AGAP1: variants seen among roughly 807,000 people sequenced by gnomAD.
The protein encoded by AGAP1 is ArfGAP with GTPase domain, ankyrin repeat and PH domain 1.
Under a neutral mutation model 105.3 loss-of-function variants are expected in AGAP1, and 29 were observed. The ratio of observed to expected loss-of-function variants is 0.28; its 90% CI spans 0.21 to 0.38. The LOEUF is 0.38. AGAP1 is among the 10% of genes least tolerant of loss of function. The pLI is 1.00. For missense variants in AGAP1, 998 were observed against 1,165.1 expected, an observed-to-expected ratio of 0.86 and a Z score of 2.09; for synonymous variants, 509 against 485.9, an observed-to-expected ratio of 1.05 and a Z score of -0.63.
rs1949723733 is a variant in AGAP1 at position 235,691,285 on chromosome 2, A to G, written c.164-17894A>G. ...GCCCCAGGACTGTCATATCCAGGGA[A>G]AGGTCACTCTCTGGCAGTGGATGCT... On this transcript the variant is annotated intron_variant, in intron 1 of 17. Coordinates refer to ENST00000304032, the MANE Select transcript of AGAP1 (RefSeq NM_001037131.3). The surrounding 1 kb of genome is among the most constrained non-coding windows in gnomAD (Gnocchi z 4.4). Among the ~76,000 whole-genome samples, 1 of 152,190 alleles carries G rather than the reference A, an allele frequency of 6.6e-6. No individual in the cohort carries two copies. The highest frequency in any genetic ancestry group is 1.5e-5 in the Non-Finnish European group (1 of 68,032).
At position 236,104,882 on chromosome 2, in the gene AGAP1, A is replaced by G. The variant is rs1034426394; in HGVS notation, c.2115-15310A>G. Among the ~76,000 whole-genome samples the G allele has an allele frequency of 6.6e-6, 1 of 152,040 alleles. No individual in the cohort carries two copies. The highest frequency in any genetic ancestry group is 2.4e-5 in the African/African-American group (1 of 41,402). On this transcript the variant is annotated intron_variant, in intron 16 of 17. Coordinates refer to ENST00000304032, the MANE Select transcript of AGAP1 (RefSeq NM_001037131.3). The surrounding 1 kb of genome is among the most constrained non-coding windows in gnomAD (Gnocchi z 4.7). ...GCCACTGCACTGCAGCCTGGGCTAC[A>G]GAGCGAGACTCTGTCTCAAGGAAAA...
rs1010166641 is a variant in AGAP1 at position 235,556,320 on chromosome 2, A to G, written c.163+61471A>G. Among the ~76,000 whole-genome samples, 5 of 152,336 alleles carry G rather than the reference A, an allele frequency of 3.3e-5. No individual in the cohort carries two copies. Among genetic ancestry groups the G allele is most frequent in the Admixed American group, 1.3e-4 (2 of 15,310 alleles). On this transcript the variant is annotated intron_variant, in intron 1 of 17. Coordinates refer to ENST00000304032, the MANE Select transcript of AGAP1 (RefSeq NM_001037131.3). The surrounding 1 kb of genome is among the most constrained non-coding windows in gnomAD (Gnocchi z 5.3). ...TGGGTCCCCTTTGTCCTTGGCCTATACCTGCCTTCTGCATTCTGGGGCTAC... is the reference window on the plus strand; with the variant it reads ...TGGGTCCCCTTTGTCCTTGGCCTATGCCTGCCTTCTGCATTCTGGGGCTAC...
chr2:235,765,651 A>G (rs1282145110), intron 6 of AGAP1, among the ~76,000 whole-genome samples: 4 of 152,142 alleles, frequency 2.6e-5, no homozygotes, highest in African/African-American at 9.7e-5. Context: ...GTACGTGTCT[A>G]CGTCTGCAGG....
At chr2:236,057,147 C>T (rs1004911709) in intron 16 of AGAP1, among the ~76,000 whole-genome samples, 2 of 152,180 alleles carry the variant, frequency 1.3e-5, no homozygotes, top group African/African-American at 2.4e-5. Context: ...CTCTCTCTGT[C>T]GCCCAGGCTA....
chr2:235,605,504 C>T (rs1945899794), intron 1 of AGAP1, among the ~76,000 whole-genome samples: 1 of 152,222 alleles, frequency 6.6e-6, no homozygotes, highest in African/African-American at 2.4e-5. Context: ...TGGTACCCAC[C>T]ATTTGTATCC....
At chr2:235,802,974 G>GTGATGA (rs1304678826) in intron 8 of AGAP1, among the ~76,000 whole-genome samples, 633 of 27,590 alleles carry the variant, frequency 0.023, 22 homozygotes, top group African/African-American at 0.091. Context: ...GATGATGGTT[G>GTGATGA]TGGTTGTGAT....
At chr2:235,685,281 G>C (rs892270710) in intron 1 of AGAP1, among the ~76,000 whole-genome samples, 6 of 152,006 alleles carry the variant, frequency 3.9e-5, no homozygotes, top group Non-Finnish European at 7.4e-5. Context: ...CTCCCTTCCT[G>C]GGTTCATGCA....
chr2:235,975,092 T>C (rs916936860), intron 13 of AGAP1, among the ~76,000 whole-genome samples: 2 of 152,250 alleles, frequency 1.3e-5, no homozygotes, highest in African/African-American at 4.8e-5. Context: ...ATGGTTATCT[T>C]ATTTAATAAA....
chr2:235,604,869 A>G (rs369341711), intron 1 of AGAP1, among the ~76,000 whole-genome samples: 327 of 150,490 alleles, frequency 2.2e-3, no homozygotes, highest in East Asian at 3.6e-3. Context: ...GGCGTGAGCC[A>G]TCGCGCCCAG....
chr2:235,679,524 G>C lies in AGAP1; in HGVS notation c.164-29655G>C, dbSNP rs189414805. On this transcript the variant is annotated intron_variant, in intron 1 of 17. Transcript: ENST00000304032. Reference sequence around the variant, plus strand: ...CACTGTTACCTTAAAATTATAAATGGGGAGAATAGAGTTCTCTTTTTTTCC... The same window carrying C: ...CACTGTTACCTTAAAATTATAAATGCGGAGAATAGAGTTCTCTTTTTTTCC... Among the ~76,000 whole-genome samples, 348 of 152,180 alleles carry C rather than the reference G, an allele frequency of 2.3e-3. 3 individuals are homozygous for C. The highest frequency in any genetic ancestry group is 4.2e-3 in the Non-Finnish European group (284 of 68,024).
intron 9 of AGAP1, among the ~76,000 whole-genome samples, chr2:235,873,112 G>T (rs759101616): frequency 6.6e-6 from 1 of 152,210 alleles, no homozygotes; most frequent in Non-Finnish European, 1.5e-5. Flanking sequence ...GAGACTGCGG[G>T]ACCCCAGGTG....
intron 3 of AGAP1, among the ~76,000 whole-genome samples, chr2:235,731,935 A>G (rs1389232518): frequency 6.6e-6 from 1 of 152,092 alleles, no homozygotes; most frequent in African/African-American, 2.4e-5. Context: ...TTCACCCCAA[A>G]GTGCGCAGGG....
intron 12 of AGAP1, among the ~76,000 whole-genome samples, chr2:235,946,197 T>C (rs2053491304): frequency 6.6e-6 from 1 of 152,162 alleles, no homozygotes; most frequent in South Asian, 2.1e-4. Flanking sequence ...GCTGTTAATT[T>C]TGGGGGTGTA....
In AGAP1 at chr2:235,993,572, A is replaced by G. The variant is rs960494475; in HGVS notation, c.1645+24949A>G. Among the ~76,000 whole-genome samples the G allele has an allele frequency of 6.6e-6, 1 of 152,206 alleles. No individual in the cohort carries two copies. The highest frequency in any genetic ancestry group is 1.5e-5 in the Non-Finnish European group (1 of 68,032). On this transcript the variant is annotated intron_variant, in intron 13 of 17. Coordinates refer to ENST00000304032, the MANE Select transcript of AGAP1 (RefSeq NM_001037131.3). This position sits in a 1 kb window ranked among gnomAD's most constrained non-coding sequence, Gnocchi z 5.0. Reference sequence around the variant, plus strand: ...TGTGTGATAGAAACCAATGCTTCCCAAAGTTCACATTGTGGAAACTGAAGC... The same window carrying G: ...TGTGTGATAGAAACCAATGCTTCCCGAAGTTCACATTGTGGAAACTGAAGC...
At chr2:235,528,601 C>T (rs548642518) in intron 1 of AGAP1, among the ~76,000 whole-genome samples, 7 of 152,092 alleles carry the variant, frequency 4.6e-5, no homozygotes, top group Admixed American at 6.6e-5. Flanking sequence ...ATGTTTGCTC[C>T]GCTTGTTTCA....
intron 15 of AGAP1, among the ~76,000 whole-genome samples, chr2:236,047,211 C>T (rs1161234750): frequency 6.6e-6 from 1 of 152,192 alleles, no homozygotes; most frequent in African/African-American, 2.4e-5. Context: ...GGGTTTCGCC[C>T]TGGAACAGGC....
At position 235,732,223 on chromosome 2, in the gene AGAP1, G is replaced by C. The variant is rs1468071051; in HGVS notation, c.311-8740G>C. 6.6e-6 allele frequency among the ~76,000 whole-genome samples: 1 copy of C among 152,094 alleles called. No homozygotes were observed. The highest frequency in any genetic ancestry group is 1.5e-5 in the Non-Finnish European group (1 of 68,016). On this transcript the variant is annotated intron_variant, in intron 3 of 17. Transcript: ENST00000304032. The surrounding 1 kb of genome is among the most constrained non-coding windows in gnomAD (Gnocchi z 4.8). ...ACCATTTATCCTTTTGTTTAGGTCC[G>C]TTTGTCAATGAACTTCTCTCTTAAA...
intron 1 of AGAP1, among the ~76,000 whole-genome samples, chr2:235,652,674 G>A (rs994864471): frequency 3.3e-5 from 5 of 152,162 alleles, no homozygotes; most frequent in East Asian, 3.9e-4. Flanking sequence ...GGTGGATCAC[G>A]TGAGGTCGGG....
intron 6 of AGAP1, among the ~76,000 whole-genome samples, chr2:235,760,310 C>T (rs569910857): frequency 4.6e-5 from 7 of 152,282 alleles, no homozygotes; most frequent in Admixed American, 1.3e-4. Flanking sequence ...ACCCGGGAGG[C>T]GGAGGTTGCA....
Sources: allele counts gnomAD v4.1 joint callset (sites outside exome capture counted in the v4.1 genomes callset), GRCh38; gene constraint gnomAD v4.1.1; non-coding constraint Gnocchi (gnomAD v3.1); transcripts MANE v1.5; gene names NCBI Gene and HGNC (gene_info 2026-07-23, HGNC 2026-07-21).